Variants in DDHD1 observed in about 807,000 individuals in gnomAD.
DDHD1 encodes the protein phospholipase DDHD1.
A neutral mutation model predicts 96.4 loss-of-function variants in DDHD1; 49 were observed. That is an observed-to-expected ratio of 0.51 (90% CI 0.40 to 0.64). The LOEUF (loss-of-function observed/expected upper bound fraction) is 0.64, where lower values mean the gene tolerates loss of function less well. Ranked by LOEUF, DDHD1 falls within the 30% of genes least tolerant of loss-of-function variation. DDHD1 has a pLI of 0.00. For missense variants in DDHD1, 1,106 were observed against 1,161.2 expected, an observed-to-expected ratio of 0.95 and a Z score of 0.69; for synonymous variants, 442 against 446.5, an observed-to-expected ratio of 0.99 and a Z score of 0.13.
chr14:53,118,030 T>G (rs888262737), intron 1 of DDHD1, among the ~76,000 whole-genome samples: 2 of 151,832 alleles, frequency 1.3e-5, no homozygotes, highest in Non-Finnish European at 2.9e-5. Flanking sequence ...GGGTCTGGAG[T>G]GGACCTCCAG....
chr14:53,095,813 T>G (rs1325645458), intron 2 of DDHD1, among the ~76,000 whole-genome samples: 2 of 152,174 alleles, frequency 1.3e-5, no homozygotes. Context: ...AACAGATGCT[T>G]AAAACGTTAA....
At chr14:53,084,813 G>A (rs1003786355) in intron 4 of DDHD1, among the ~76,000 whole-genome samples, 1 of 152,214 alleles carries the variant, frequency 6.6e-6, no homozygotes, top group Non-Finnish European at 1.5e-5. Flanking sequence ...AGCCGAAGCA[G>A]GGTGGGGCAT....
rs1882031726 is a variant in DDHD1 at position 53,046,680 on chromosome 14, T to C, written c.*88A>G. The C allele has an allele frequency of 2.3e-6, 2 of 875,354 alleles. No homozygotes were observed. Among genetic ancestry groups the C allele is most frequent in the Middle Eastern group, 2.6e-4 (1 of 3,890 alleles). The allele number at this position is 875,354 out of a possible 1,614,324, so 54.2% of individuals were successfully genotyped here. A position where few individuals can be genotyped will look rare whatever the true frequency, so the allele number is the denominator to read the frequency against. Reference sequence around the variant, plus strand: ...CCCTAAAGAAAACTGAAATATACTTTAACCCTGAAATCTCCGTATCTTGAC... The same window carrying C: ...CCCTAAAGAAAACTGAAATATACTTCAACCCTGAAATCTCCGTATCTTGAC... On this transcript the variant is annotated 3_prime_UTR_variant, in exon 13 of 13. Transcript: ENST00000673822.
chr14:53,082,366 A>G (rs1400750642), intron 4 of DDHD1, among the ~76,000 whole-genome samples: 15 of 152,080 alleles, frequency 9.9e-5, no homozygotes. Flanking sequence ...TTAAGAAAAT[A>G]TATGTGTGAC....
chr14:53,091,260 G>A (rs143134705), intron 4 of DDHD1, among the ~76,000 whole-genome samples: 32 of 152,250 alleles, frequency 2.1e-4, no homozygotes, highest in African/African-American at 7.7e-4. Context: ...AAAAGTTTCA[G>A]GATAAAGCTG....
intron 4 of DDHD1, among the ~76,000 whole-genome samples, chr14:53,089,873 G>C (rs1398458309): frequency 6.6e-6 from 1 of 152,102 alleles, no homozygotes; most frequent in African/African-American, 2.4e-5. Flanking sequence ...ATTGACAAAA[G>C]GGATCTAATT....
chr14:53,049,201 G>A (rs1208441663), intron 12 of DDHD1, among the ~76,000 whole-genome samples: 3 of 151,978 alleles, frequency 2.0e-5, no homozygotes, highest in Non-Finnish European at 4.4e-5. Context: ...TCACTTAAAG[G>A]GACTTTACTC....
intron 4 of DDHD1, among the ~76,000 whole-genome samples, chr14:53,076,956 A>T (rs1395726027): frequency 6.6e-6 from 1 of 152,190 alleles, no homozygotes; most frequent in East Asian, 1.9e-4. Flanking sequence ...CTGAGAAGCC[A>T]ATTTGTGCAA....
chr14:53,094,147 C>T (rs957951586), intron 2 of DDHD1, among the ~76,000 whole-genome samples: 4 of 151,080 alleles, frequency 2.6e-5, no homozygotes, highest in South Asian at 4.2e-4. Flanking sequence ...ACTGCACTCC[C>T]GCCTGGGCTA....
chr14:53,150,554 G>A (rs1293200517), intron 1 of DDHD1, among the ~76,000 whole-genome samples: 1 of 152,214 alleles, frequency 6.6e-6, no homozygotes, highest in Non-Finnish European at 1.5e-5. Context: ...AACCAAGAGA[G>A]CACACAGTAT....
chr14:53,112,868 T>C (rs1025545501), intron 1 of DDHD1, among the ~76,000 whole-genome samples: 6 of 152,180 alleles, frequency 3.9e-5, no homozygotes, highest in African/African-American at 7.2e-5. Flanking sequence ...CTATTCATGA[T>C]ACTGAAAATC....
At position 53,152,888 on chromosome 14, in the gene DDHD1, T is replaced by A. The variant is rs960885743; in HGVS notation, c.211A>T (p.Thr71Ser). ...GCGAGGTGGTGGTTGTGGTCGTCGGTGCCCGGCGCCAAATGCAGCCCGGGT... is the reference window on the plus strand; with the variant it reads ...GCGAGGTGGTGGTTGTGGTCGTCGGAGCCCGGCGCCAAATGCAGCCCGGGT... ...GEPGLHLAPG[T>S]DDHNHHLALD... is the part of the protein sequence containing the mutation. Residue 71 changes from threonine (T) to serine (S), a missense_variant, in exon 1 of 13, where the codon ACC becomes TCC. Physicochemically the swap from Thr to Ser is moderately conservative, Grantham distance 58. This residue lies in a region of DDHD1 where 456 missense variants were observed against 402.4 expected (regional missense o/e 1.13). Transcript: ENST00000673822. The A allele has an allele frequency of 6.2e-6, 10 of 1,609,304 alleles. No homozygotes were observed. In the African/African-American group the frequency reaches 1.3e-4, roughly 22 times the overall value.
At chr14:53,085,112 T>C (rs2095552) in intron 4 of DDHD1, among the ~76,000 whole-genome samples, 119,207 of 152,112 alleles carry the variant, frequency 0.78, 47,746 homozygotes, top group East Asian at 0.98. Context: ...GTAAATAAAG[T>C]GGCTGGGAAG....
intron 2 of DDHD1, among the ~76,000 whole-genome samples, chr14:53,094,763 A>G (rs1886731442): frequency 6.6e-6 from 1 of 151,888 alleles, no homozygotes; most frequent in African/African-American, 2.4e-5. Context: ...AGGATCGCTT[A>G]AGCCCAGGAG....
chr14:53,108,248 A>T (rs1269999864), intron 1 of DDHD1, among the ~76,000 whole-genome samples: 1 of 152,186 alleles, frequency 6.6e-6, no homozygotes, highest in Non-Finnish European at 1.5e-5. Context: ...CGACTGGGCT[A>T]AAGGCTTGCC....
At chr14:53,101,914 T>C (rs1887330244) in intron 2 of DDHD1, among the ~76,000 whole-genome samples, 1 of 151,018 alleles carries the variant, frequency 6.6e-6, no homozygotes, top group Non-Finnish European at 1.5e-5. Context: ...ACTTAGCAAA[T>C]GGAAAAAAAA....
chr14:53,069,301 A>C (rs1442967735), intron 6 of DDHD1, among the ~76,000 whole-genome samples: 7 of 152,136 alleles, frequency 4.6e-5, no homozygotes, highest in African/African-American at 1.7e-4. Context: ...CTTATTGGCC[A>C]CTTTAATGGA....
In DDHD1 at chr14:53,076,242, T is replaced by TG. The variant is rs535446637; in HGVS notation, c.1290-2396dup. 1.3e-4 allele frequency among the ~76,000 whole-genome samples: 20 copies of TG among 152,202 alleles called. No individual in the cohort carries two copies. In the South Asian group the frequency reaches 4.1e-3, roughly 32 times the overall value. On this transcript the variant is annotated intron_variant, in intron 4 of 12. Coordinates refer to ENST00000673822, the MANE Select transcript of DDHD1 (RefSeq NM_001160148.2). ...AGAACATTTGTGATTCAGTGATTCA[T>TG]GGGGGGTGAAAATATCAACATTCCA...
intron 1 of DDHD1, among the ~76,000 whole-genome samples, chr14:53,113,390 C>CAAAAAAAA (rs60704615): frequency 4.2e-5 from 5 of 118,252 alleles, no homozygotes; most frequent in African/African-American, 1.6e-4. Flanking sequence ...CTGTACAAGC[C>CAAAAAAAA]AAAAAAAAAA....
Sources: gnomAD v4.1 joint callset for allele counts (sites outside exome capture counted in the v4.1 genomes callset) on GRCh38, gnomAD v4.1.1 for gene constraint, gnomAD v4.1.1 regional missense constraint, MANE v1.5 for transcripts, NCBI Gene and HGNC (gene_info 2026-07-23, HGNC 2026-07-21) for gene names.